Variants in LRMDA observed in about 807,000 individuals in gnomAD.
The protein encoded by LRMDA is leucine rich melanocyte differentiation associated, also known as leucine-rich melanocyte differentiation-associated protein.
LRMDA carries 18 observed loss-of-function variants against 29.8 expected under a neutral mutation model. The observed-to-expected ratio is 0.60, with a 90% CI of 0.42 to 0.90. LRMDA has a LOEUF of 0.90. Among genes scored for constraint, LRMDA ranks in the 40% least tolerant of loss-of-function variants. LRMDA has a pLI of 0.00. For missense variants in LRMDA, 273 were observed against 273.9 expected, an observed-to-expected ratio of 1.00 and a Z score of 0.02; for synonymous variants, 125 against 109.4, an observed-to-expected ratio of 1.14 and a Z score of -0.89.
intron 2 of LRMDA, among the ~76,000 whole-genome samples, chr10:75,464,312 A>G (rs1844626109): frequency 1.3e-5 from 2 of 152,200 alleles, no homozygotes; most frequent in Non-Finnish European, 2.9e-5. Flanking sequence ...TGAGAAGGAC[A>G]TGTACTAATG....
intron 2 of LRMDA, among the ~76,000 whole-genome samples, chr10:75,880,778 T>TTC (rs2132343168): frequency 6.6e-6 from 1 of 152,304 alleles, no homozygotes; most frequent in African/African-American, 2.4e-5. Flanking sequence ...AGGATCCATG[T>TTC]TCTTCCTGCA....
chr10:76,291,601 G>A (rs986517369), intron 5 of LRMDA, among the ~76,000 whole-genome samples: 3 of 152,050 alleles, frequency 2.0e-5, no homozygotes, highest in Non-Finnish European at 2.9e-5. Flanking sequence ...TCAGGTGAAC[G>A]TTTGCATACT....
intron 6 of LRMDA, among the ~76,000 whole-genome samples, chr10:76,451,498 C>T (rs919784396): frequency 6.6e-6 from 1 of 152,100 alleles, no homozygotes; most frequent in Non-Finnish European, 1.5e-5. Context: ...AGCCACTGCA[C>T]CCGGCCTCTG....
At chr10:75,561,112 C>T (rs1250550047) in intron 2 of LRMDA, among the ~76,000 whole-genome samples, 1 of 151,392 alleles carries the variant, frequency 6.6e-6, no homozygotes, top group African/African-American at 2.4e-5. Flanking sequence ...AGGAATGGTA[C>T]CAGTTCCTCC....
At chr10:76,350,871 A>G (rs933981466) in intron 6 of LRMDA, among the ~76,000 whole-genome samples, 1 of 152,148 alleles carries the variant, frequency 6.6e-6, no homozygotes, top group African/African-American at 2.4e-5. Flanking sequence ...TTCCGAGTAT[A>G]AATGGGCACT....
At chr10:76,339,697 C>T (rs1564728696) in intron 6 of LRMDA, among the ~76,000 whole-genome samples, 3 of 150,778 alleles carry the variant, frequency 2.0e-5, no homozygotes, top group Non-Finnish European at 4.4e-5. Flanking sequence ...AATAATGAGA[C>T]AAAAAAAACC....
intron 2 of LRMDA, among the ~76,000 whole-genome samples, chr10:75,808,515 T>C (rs182962155): frequency 3.9e-5 from 6 of 152,326 alleles, no homozygotes; most frequent in Middle Eastern, 6.8e-3. Context: ...GTTCACACTT[T>C]TTTTGTTGTT....
At chr10:76,517,668 A>T (rs987670436) in intron 6 of LRMDA, among the ~76,000 whole-genome samples, 1 of 152,102 alleles carries the variant, frequency 6.6e-6, no homozygotes. Flanking sequence ...TGAGAAAAAA[A>T]TGGCAAACAT....
At chr10:75,852,360 T>C (rs573294494) in intron 2 of LRMDA, among the ~76,000 whole-genome samples, 1 of 152,232 alleles carries the variant, frequency 6.6e-6, no homozygotes, top group African/African-American at 2.4e-5. Context: ...GGGTGGGAAA[T>C]TATATTCATT....
At chr10:76,111,583 C>T (rs1266249778) in intron 5 of LRMDA, among the ~76,000 whole-genome samples, 2 of 152,204 alleles carry the variant, frequency 1.3e-5, no homozygotes, top group African/African-American at 2.4e-5. Flanking sequence ...ATGTAAACAA[C>T]TTTTGACCAA....
intron 5 of LRMDA, among the ~76,000 whole-genome samples, chr10:76,200,740 A>G (rs956162144): frequency 1.4e-5 from 2 of 146,386 alleles, no homozygotes; most frequent in Non-Finnish European, 3.0e-5. Flanking sequence ...TTTCTGAGAC[A>G]GGGCTTAGCT....
At chr10:75,749,061 A>G (rs1653723019) in intron 2 of LRMDA, among the ~76,000 whole-genome samples, 1 of 152,140 alleles carries the variant, frequency 6.6e-6, no homozygotes, top group African/African-American at 2.4e-5. Context: ...CCCTGAGACA[A>G]CAAGACCAAC....
At chr10:75,783,485 C>CAAAAAA (rs55852739) in intron 2 of LRMDA, among the ~76,000 whole-genome samples, 2 of 70,540 alleles carry the variant, frequency 2.8e-5, no homozygotes, top group Admixed American at 1.4e-4. Flanking sequence ...TGCTCAGAGG[C>CAAAAAA]AAAAAAAAAA....
At chr10:75,686,795 G>A (rs191291484) in intron 2 of LRMDA, among the ~76,000 whole-genome samples, 23 of 152,242 alleles carry the variant, frequency 1.5e-4, no homozygotes, top group Admixed American at 2.6e-4. Flanking sequence ...AAGGTTTGTC[G>A]CAACCCTGTA....
intron 5 of LRMDA, among the ~76,000 whole-genome samples, chr10:76,134,212 G>A (rs1010935218): frequency 5.9e-4 from 90 of 152,280 alleles, no homozygotes; most frequent in Admixed American, 2.1e-3. Flanking sequence ...AGAGAATTTC[G>A]GGGGGAGCTG....
intron 2 of LRMDA, among the ~76,000 whole-genome samples, chr10:75,736,134 ATAGT>A (rs2132204442): frequency 6.6e-6 from 1 of 152,308 alleles, no homozygotes; most frequent in South Asian, 2.1e-4. Flanking sequence ...GTGTAAAATT[ATAGT>A]TAGGAATATT....
chr10:76,540,198 A>C (rs547912543), intron 6 of LRMDA, among the ~76,000 whole-genome samples: 200 of 150,728 alleles, frequency 1.3e-3, no homozygotes, highest in South Asian at 9.5e-3. Flanking sequence ...GTGCCTGCAC[A>C]CATGTGCACA....
chr10:76,076,300 C>T (rs1848955660), intron 5 of LRMDA, among the ~76,000 whole-genome samples: 1 of 132,018 alleles, frequency 7.6e-6, no homozygotes, highest in South Asian at 2.4e-4. Context: ...CCGAGACCGC[C>T]ATGCCACTGC....
At chr10:76,021,651 G>C (rs552905548) in intron 2 of LRMDA, among the ~76,000 whole-genome samples, 2 of 152,302 alleles carry the variant, frequency 1.3e-5, no homozygotes, top group South Asian at 4.2e-4. Context: ...CTCCTACCAT[G>C]AAGAGCTGTG....
Sources: gnomAD v4.1 joint callset for allele counts (sites outside exome capture counted in the v4.1 genomes callset) on GRCh38, gnomAD v4.1.1 for gene constraint, MANE v1.5 for transcripts, NCBI Gene and HGNC (gene_info 2026-07-23, HGNC 2026-07-21) for gene names.